The following MTREX variants were observed in gnomAD, a reference collection of about 807,000 sequenced individuals.
MTREX encodes exosome RNA helicase MTR4.
Under a neutral mutation model 135.4 loss-of-function variants are expected in MTREX, and 76 were observed. That is an observed-to-expected ratio of 0.56 (90% CI 0.47 to 0.68). The LOEUF (loss-of-function observed/expected upper bound fraction) is 0.68, where lower values mean the gene tolerates loss of function less well. Ranked by LOEUF, MTREX falls within the 30% of genes least tolerant of loss-of-function variation. MTREX has a pLI of 0.00. For missense variants in MTREX, 920 were observed against 1,262.1 expected (o/e 0.73, Z 4.11); for synonymous variants, 404 against 401.6 (o/e 1.01, Z -0.07).
Position 55,340,042 on chromosome 5 carries a change from A to G in MTREX, c.548A>G (p.Gln183Arg), listed in dbSNP as rs1749618651. ...YAIALALREK[Q>R]RVIFTSPIKA... The stretch of plus-strand genomic sequence containing the variant: ...ATTGCATTGGCCTTAAGGGAAAAGC[A>G]GCGTGTAATATTTACCAGCCCAATT... Residue 183 changes from glutamine to arginine, a missense_variant, in exon 6 of 27, where the codon CAG (glutamine) becomes CGG (arginine). Coordinates refer to ENST00000230640, the MANE Select transcript of MTREX (RefSeq NM_015360.5). 1 of 1,574,766 alleles carries G rather than the reference A, an allele frequency of 6.4e-7. No homozygotes were observed. Among genetic ancestry groups the G allele is most frequent in the Non-Finnish European group, 8.6e-7 (1 of 1,161,724 alleles).
At chr5:55,399,039 T>G (rs1283840935) in intron 20 of MTREX, among the ~76,000 whole-genome samples, 2 of 152,134 alleles carry the variant, frequency 1.3e-5, no homozygotes, top group Non-Finnish European at 2.9e-5. Context: ...GAACCGCAAT[T>G]TTAGTGTTTT....
In MTREX at chr5:55,425,433, A is replaced by G. The variant is rs985573962; in HGVS notation, c.*661A>G. On this transcript the variant is annotated 3_prime_UTR_variant, in exon 27 of 27. Transcript: ENST00000230640. The stretch of plus-strand genomic sequence containing the variant: ...TCCTAAGATAAATATAAACAAAAGG[A>G]TATACTTTGAGGTGTACAGATTAAG... 8.6e-7 allele frequency: 1 copy of G among 1,156,332 alleles called. No homozygotes were observed. The highest frequency in any genetic ancestry group is 1.6e-5 in the African/African-American group (1 of 63,780). The allele number at this position is 1,156,332 out of a possible 1,614,324, so 71.6% of individuals were successfully genotyped here. A position where few individuals can be genotyped will look rare whatever the true frequency, so the allele number is the denominator to read the frequency against.
chr5:55,401,870 C>A (rs1750727911), intron 21 of MTREX, among the ~76,000 whole-genome samples: 2 of 152,110 alleles, frequency 1.3e-5, no homozygotes, highest in South Asian at 4.1e-4. Flanking sequence ...ATCTCCTTTC[C>A]TCCATGAAAC....
intron 21 of MTREX, among the ~76,000 whole-genome samples, chr5:55,401,852 C>T (rs1408190297): frequency 1.3e-5 from 2 of 152,158 alleles, no homozygotes; most frequent in Non-Finnish European, 2.9e-5. Context: ...ATGTATTATA[C>T]TATACAAATC....
intron 3 of MTREX, 108 bp downstream of exon 3, chr5:55,324,306 ATAAATAG>A: frequency 4.5e-6 from 3 of 668,036 alleles, no homozygotes; most frequent in Non-Finnish European, 7.4e-6. Flanking sequence ...CTTGGAAACA[ATAAATAG>A]TTTCCATGGG....
At chr5:55,366,431 A>G (rs1462127645) in intron 15 of MTREX, among the ~76,000 whole-genome samples, 1 of 152,194 alleles carries the variant, frequency 6.6e-6, no homozygotes, top group Non-Finnish European at 1.5e-5. Flanking sequence ...TCAAGGCTGC[A>G]GTGAGCAGCC....
chr5:55,417,813 C>T (rs1750989682), intron 25 of MTREX, among the ~76,000 whole-genome samples: 1 of 152,178 alleles, frequency 6.6e-6, no homozygotes, highest in East Asian at 1.9e-4. Context: ...ATACAATACT[C>T]ATATTTGTAT....
intron 25 of MTREX, among the ~76,000 whole-genome samples, chr5:55,417,176 GAT>G (rs914683628): frequency 5.3e-5 from 8 of 152,182 alleles, no homozygotes; most frequent in African/African-American, 1.9e-4. Context: ...TCCTCTAAAT[GAT>G]CATTTAGTCA....
rs565472037 is a variant in MTREX, at chr5:55,418,049, A to G, written c.2971+1917A>G. ...GGAAATCGAGACCATCCTGGCTAAC[A>G]CGGTGAAACCCCGTCTCTACAAAAA... On this transcript the variant is annotated intron_variant, in intron 25 of 26. Transcript: ENST00000230640. Among the ~76,000 whole-genome samples, 12 of 151,792 alleles carry G rather than the reference A, an allele frequency of 7.9e-5. No homozygotes were observed. In the East Asian group the frequency reaches 1.7e-3, roughly 22 times the overall value.
chr5:55,369,103 T>C (rs1750153622), intron 16 of MTREX, among the ~76,000 whole-genome samples: 1 of 150,736 alleles, frequency 6.6e-6, no homozygotes, highest in South Asian at 2.1e-4. Flanking sequence ...CCAAAAATTG[T>C]ATTAATAATA....
At chr5:55,391,611 A>AT (rs1296470859) in intron 19 of MTREX, among the ~76,000 whole-genome samples, 1 of 152,196 alleles carries the variant, frequency 6.6e-6, no homozygotes, top group Non-Finnish European at 1.5e-5. Context: ...AATAAGGAGG[A>AT]ACAGAGGACT....
At chr5:55,394,455 C>A (rs810618) in intron 19 of MTREX, among the ~76,000 whole-genome samples, 1 of 152,106 alleles carries the variant, frequency 6.6e-6, no homozygotes, top group Non-Finnish European at 1.5e-5. Context: ...TTCCATGGAC[C>A]AGTGTGGAGC....
intron 3 of MTREX, among the ~76,000 whole-genome samples, chr5:55,326,778 A>G (rs1369836546): frequency 1.3e-5 from 2 of 152,156 alleles, no homozygotes; most frequent in African/African-American, 4.8e-5. Flanking sequence ...TACACCTGCC[A>G]TGGTGGTTTG....
In MTREX at chr5:55,328,793, GA is replaced by G; in HGVS notation, c.502del (p.Thr168GlnfsTer12). 6.2e-7 allele frequency: 1 copy of G among 1,606,128 alleles called. No individual in the cohort carries two copies. The highest frequency in any genetic ancestry group is 1.1e-5 in the South Asian group (1 of 90,506). On this transcript the variant is annotated frameshift_variant, in exon 5 of 27. Transcript: ENST00000230640. LOFTEE classifies it high-confidence loss of function. Reference sequence around the variant, plus strand: ...CTAGTATCTGCACATACCTCAGCGGGAAAAACAGTATGCGCCGAGTGAGTAG... The same window carrying G: ...CTAGTATCTGCACATACCTCAGCGGGAAAACAGTATGCGCCGAGTGAGTAG... ...SVLVSAHTSA[G>X]KTVCAEYAIA...
At chr5:55,384,016 C>T (rs1219126888) in intron 18 of MTREX, among the ~76,000 whole-genome samples, 1 of 152,196 alleles carries the variant, frequency 6.6e-6, no homozygotes, top group African/African-American at 2.4e-5. Flanking sequence ...AGCAATCCTC[C>T]CGCCTTGGTC....
rs200534114 is a variant in MTREX, at chr5:55,358,561, A to G, written c.1534-12A>G. 136 of 1,580,920 alleles carry G rather than the reference A, an allele frequency of 8.6e-5. No homozygotes were observed. Among genetic ancestry groups the G allele is most frequent in the African/African-American group, 3.5e-4 (26 of 73,370 alleles). On this transcript the variant is annotated splice_polypyrimidine_tract_variant and intron_variant, in intron 14 of 26. Transcript: ENST00000230640. ...TTTTCCTAAACTCTGAATTTTAACT[A>G]TGTTCATTCAGATTTCTTCTGGTGA...
intron 13 of MTREX, among the ~76,000 whole-genome samples, chr5:55,352,194 A>T (rs1749841209): frequency 6.6e-6 from 1 of 152,054 alleles, no homozygotes; most frequent in Non-Finnish European, 1.5e-5. Context: ...CATTATGTTT[A>T]AAAATTATTA....
chr5:55,344,895 T>C (rs2112062247), intron 9 of MTREX, among the ~76,000 whole-genome samples, 199 bp from the exon 10 acceptor site: 1 of 152,324 alleles, frequency 6.6e-6, no homozygotes, highest in South Asian at 2.1e-4. Flanking sequence ...TTCAGATATC[T>C]TATGTTTTGC....
At chr5:55,347,253 T>C (rs1749753561) in intron 11 of MTREX, 109 bp downstream of exon 11, 1 of 1,101,840 alleles carries the variant, frequency 9.1e-7, no homozygotes. Flanking sequence ...CCATTCACCT[T>C]ACAGTTACAG....
Sources: allele counts gnomAD v4.1 joint callset (sites outside exome capture counted in the v4.1 genomes callset), GRCh38; gene constraint gnomAD v4.1.1; transcripts MANE v1.5; gene names NCBI Gene and HGNC (gene_info 2026-07-23, HGNC 2026-07-21).